The following ROBO2 variants were observed in gnomAD, a reference collection of about 807,000 sequenced individuals.
ROBO2 encodes the protein roundabout guidance receptor 2.
In ROBO2, 53 loss-of-function variants were observed where a neutral mutation model predicts 160.8. The ratio of observed to expected loss-of-function variants is 0.33; its 90% confidence interval spans 0.26 to 0.41. The LOEUF (loss-of-function observed/expected upper bound fraction) is 0.41, where lower values mean the gene tolerates loss of function less well. ROBO2 is among the 10% of genes least tolerant of loss of function. The pLI is 1.00. For synonymous variants in ROBO2, 664 were observed against 611.7 expected, an observed-to-expected ratio of 1.09 and a Z score of -1.26; for missense variants, 1,577 against 1,722.4, an observed-to-expected ratio of 0.92 and a Z score of 1.49.
At chr3:76,280,699 A>G (rs1464080099) in intron 2 of ROBO2, among the ~76,000 whole-genome samples, 2 of 151,622 alleles carry the variant, frequency 1.3e-5, no homozygotes, top group African/African-American at 2.4e-5. Flanking sequence ...TTTTTCTTTC[A>G]TTTTCTTTAT....
At chr3:77,460,622 A>G (rs1272435925) in intron 2 of ROBO2, among the ~76,000 whole-genome samples, 1 of 152,212 alleles carries the variant, frequency 6.6e-6, no homozygotes. Flanking sequence ...AAGACAAGGT[A>G]AAAAACACAC....
intron 2 of ROBO2, among the ~76,000 whole-genome samples, chr3:76,400,839 C>A (rs72898544): frequency 6.6e-6 from 1 of 151,426 alleles, no homozygotes; most frequent in Non-Finnish European, 1.5e-5. Flanking sequence ...GTTCTCTCTA[C>A]AACCTCCAAA....
chr3:77,098,247 C>T, exon 2 of ROBO2: 1 of 1,614,088 alleles, frequency 6.2e-7, no homozygotes, highest in Non-Finnish European at 8.5e-7. Context: ...CGTGCACGGG[C>T]GCAGGAGTAA....
chr3:76,647,480 A>G (rs550680424), intron 2 of ROBO2, among the ~76,000 whole-genome samples: 8 of 152,346 alleles, frequency 5.3e-5, no homozygotes, highest in African/African-American at 1.9e-4. Context: ...GCTGAGAAAC[A>G]CTGGCTTATC....
chr3:77,617,409 C>T (rs911563922), intron 21 of ROBO2, 104 bp from the exon 23 acceptor site: 1 of 1,288,860 alleles, frequency 7.8e-7, no homozygotes, highest in East Asian at 2.4e-5. Flanking sequence ...ACCGAGAGAA[C>T]ATTTCAGATA....
At chr3:76,447,204 A>T (rs2077229335) in intron 2 of ROBO2, among the ~76,000 whole-genome samples, 1 of 152,196 alleles carries the variant, frequency 6.6e-6, no homozygotes. Context: ...AGAAAAAGAC[A>T]AACAACCCCA....
intron 2 of ROBO2, among the ~76,000 whole-genome samples, chr3:76,609,022 G>T (rs2087874542): frequency 1.3e-5 from 2 of 152,092 alleles, no homozygotes; most frequent in South Asian, 2.1e-4. Context: ...TACAGTAATT[G>T]ATTTTTCATT....
intron 2 of ROBO2, among the ~76,000 whole-genome samples, chr3:77,109,826 T>C (rs535455944): frequency 1.3e-5 from 2 of 152,340 alleles, no homozygotes; most frequent in African/African-American, 4.8e-5. Context: ...CCTCACTGAT[T>C]TACTTGAACA....
intron 13 of ROBO2, among the ~76,000 whole-genome samples, chr3:77,573,944 G>C (rs1191244935): frequency 2.6e-5 from 4 of 151,790 alleles, no homozygotes; most frequent in African/African-American, 9.7e-5. Flanking sequence ...CAGCTCATGA[G>C]GGCAGGGGCT....
At chr3:76,453,299 A>G (rs2077571273) in intron 2 of ROBO2, among the ~76,000 whole-genome samples, 1 of 152,138 alleles carries the variant, frequency 6.6e-6, no homozygotes, top group Non-Finnish European at 1.5e-5. Context: ...TAGGGTTTTT[A>G]TAGTTTTTAG....
chr3:77,532,760 A>G (rs570483614), intron 6 of ROBO2, among the ~76,000 whole-genome samples: 1 of 151,894 alleles, frequency 6.6e-6, no homozygotes, highest in South Asian at 2.1e-4. Flanking sequence ...AAGCTCTAAT[A>G]TAAAATTCTT....
At chr3:77,354,879 T>C (rs1314800250) in intron 2 of ROBO2, among the ~76,000 whole-genome samples, 1 of 152,188 alleles carries the variant, frequency 6.6e-6, no homozygotes, top group African/African-American at 2.4e-5. Context: ...AGGCAGAGCC[T>C]TACAAACCAT....
At chr3:76,244,570 A>G (rs1029066648) in intron 2 of ROBO2, among the ~76,000 whole-genome samples, 4 of 152,172 alleles carry the variant, frequency 2.6e-5, no homozygotes, top group African/African-American at 7.2e-5. Context: ...ACAAACTGCT[A>G]TTTTGCTTGA....
At chr3:76,464,162 T>G (rs1025798119) in intron 2 of ROBO2, among the ~76,000 whole-genome samples, 3 of 152,136 alleles carry the variant, frequency 2.0e-5, no homozygotes, top group Non-Finnish European at 4.4e-5. Context: ...TGTCCTAAGT[T>G]GTAGTAGAAA....
At chr3:77,187,154 A>G (rs566366638) in intron 2 of ROBO2, among the ~76,000 whole-genome samples, 35 of 152,148 alleles carry the variant, frequency 2.3e-4, no homozygotes, top group Non-Finnish European at 2.6e-4. Flanking sequence ...TAAATAAGAC[A>G]TCTATATTAA....
At chr3:76,403,036 C>G (rs537819140) in intron 2 of ROBO2, among the ~76,000 whole-genome samples, 1 of 151,540 alleles carries the variant, frequency 6.6e-6, no homozygotes, top group Non-Finnish European at 1.5e-5. Flanking sequence ...CAATAAATGT[C>G]TACTTGATGC....
At chr3:77,062,951 AT>A (rs145655988) in intron 1 of ROBO2, among the ~76,000 whole-genome samples, 1 of 151,970 alleles carries the variant, frequency 6.6e-6, no homozygotes, top group Admixed American at 6.6e-5. Flanking sequence ...TCCCAGTTAC[AT>A]TTTTTTTAAT....
intron 2 of ROBO2, among the ~76,000 whole-genome samples, chr3:77,181,263 A>T (rs1178332048): frequency 2.6e-5 from 4 of 152,060 alleles, no homozygotes; most frequent in Admixed American, 6.6e-5. Context: ...GCTCAATTAG[A>T]TGATGTACTG....
chr3:76,448,008 G>A (rs1398480672), intron 2 of ROBO2, among the ~76,000 whole-genome samples: 1 of 151,428 alleles, frequency 6.6e-6, no homozygotes, highest in African/African-American at 2.4e-5. Flanking sequence ...AAACCTGCAC[G>A]TTGTGTACAT....
Sources: gnomAD v4.1 joint callset for allele counts (sites outside exome capture counted in the v4.1 genomes callset) on GRCh38, gnomAD v4.1.1 for gene constraint, MANE v1.5 for transcripts, NCBI Gene and HGNC (gene_info 2026-07-23, HGNC 2026-07-21) for gene names.